The following SOX5 variants were observed in gnomAD, a reference collection of about 807,000 sequenced individuals.
The protein encoded by SOX5 is SRY-box transcription factor 5.
SOX5 carries 9 observed loss-of-function variants against 92.0 expected under a neutral mutation model. The ratio of observed to expected loss-of-function variants is 0.10; its 90% CI spans 0.06 to 0.17. The LOEUF (loss-of-function observed/expected upper bound fraction) is 0.17, where lower values mean the gene tolerates loss of function less well. SOX5 is among the 10% of genes least tolerant of loss of function. The probability of loss-of-function intolerance (pLI) is 1.00; values close to 1 mark genes in which losing one functional copy is unlikely to be tolerated. For missense variants in SOX5, 642 were observed against 944.5 expected (o/e 0.68, Z 4.20); for synonymous variants, 344 against 336.3 (o/e 1.02, Z -0.25).
rs995066394 is a variant in SOX5, at chr12:23,600,534, T to TATATATATATATATAC, written c.1164+3852_1164+3853insGTATATATATATATAT. On this transcript the variant is annotated intron_variant, in intron 9 of 14. Coordinates refer to ENST00000451604, the MANE Select transcript of SOX5 (RefSeq NM_006940.6). ...GGCGGGGGGGGTGCATATATATATA[T>TATATATATATATATAC]ATATATATATATATATATACACATA... 6.9e-5 allele frequency among the ~76,000 whole-genome samples: 8 copies of TATATATATATATATAC among 115,664 alleles called. 1 individual carries two copies. The highest frequency in any genetic ancestry group is 1.1e-4 in the Non-Finnish European group (6 of 54,580). 75.9% of individuals were successfully genotyped at this position (115,664 alleles called of 152,430 possible). A position where few individuals can be genotyped will look rare whatever the true frequency, so the allele number is the denominator to read the frequency against.
At chr12:23,808,133 T>TA (rs1567939724) in intron 3 of SOX5, among the ~76,000 whole-genome samples, 19 of 151,370 alleles carry the variant, frequency 1.3e-4, no homozygotes, top group Middle Eastern at 6.8e-3. Context: ...ATATATATAT[T>TA]TTTATATGAA....
intron 4 of SOX5, among the ~76,000 whole-genome samples, chr12:24,075,309 T>C (rs1013260109): frequency 2.5e-4 from 34 of 136,594 alleles, no homozygotes; most frequent in African/African-American, 8.9e-4. Context: ...AAAAAGTCAG[T>C]GCCAGTCAGA....
At chr12:23,724,434 A>T (rs2093001869) in intron 6 of SOX5, among the ~76,000 whole-genome samples, 1 of 152,198 alleles carries the variant, frequency 6.6e-6, no homozygotes, top group African/African-American at 2.4e-5. Context: ...TCTTCTTACC[A>T]GTACAGTACA....
chr12:23,643,214 A>G (rs1339984057), intron 7 of SOX5, among the ~76,000 whole-genome samples: 4 of 152,042 alleles, frequency 2.6e-5, no homozygotes, highest in African/African-American at 9.7e-5. Flanking sequence ...ACTGTTACGT[A>G]TGAGAGTAAC....
chr12:23,985,622 T>C (rs964718527), intron 4 of SOX5, among the ~76,000 whole-genome samples: 8 of 151,732 alleles, frequency 5.3e-5, no homozygotes, highest in African/African-American at 1.7e-4. Flanking sequence ...TAGATACACA[T>C]AGAAACATAT....
rs537641266 is a variant in SOX5 at position 24,558,596 on chromosome 12, T to A, written c.-251+3733A>T. Among the ~76,000 whole-genome samples the A allele has an allele frequency of 5.4e-4, 82 of 152,362 alleles. 1 individual carries two copies. The highest frequency in any genetic ancestry group is 6.8e-3 in the Middle Eastern group (2 of 294). On this transcript the variant is annotated intron_variant, in intron 1 of 4. Transcript: ENST00000446891. ...AATTCATTATATTTAAGCAAAAGGT[T>A]AGATCTTTGCTTCATATTTTTAAAA... is the stretch of plus-strand genomic sequence containing the variant.
At chr12:24,143,935 A>G (rs554162520) in intron 4 of SOX5, among the ~76,000 whole-genome samples, 1 of 152,146 alleles carries the variant, frequency 6.6e-6, no homozygotes, top group East Asian at 1.9e-4. Context: ...ATTGCTAAAC[A>G]ATTTTCCAAG....
chr12:23,653,641 A>G (rs2081963450), intron 7 of SOX5, among the ~76,000 whole-genome samples: 1 of 152,086 alleles, frequency 6.6e-6, no homozygotes, highest in African/African-American at 2.4e-5. Flanking sequence ...GGGCCTGATG[A>G]AGGCCCATTT....
At chr12:23,615,202 G>A (rs117715560) in intron 8 of SOX5, among the ~76,000 whole-genome samples, 3,717 of 152,100 alleles carry the variant, frequency 0.024, 60 homozygotes, top group Middle Eastern at 0.044. Context: ...CTCTAATGAT[G>A]TTGAGCATCT....
At chr12:24,240,267 T>C (rs1197453465) in intron 3 of SOX5, among the ~76,000 whole-genome samples, 1 of 152,204 alleles carries the variant, frequency 6.6e-6, no homozygotes, top group Non-Finnish European at 1.5e-5. Context: ...AGCTAATCTT[T>C]GGCTCCAAAT....
chr12:23,735,382 C>T (rs1021051668), intron 5 of SOX5, among the ~76,000 whole-genome samples: 2 of 152,122 alleles, frequency 1.3e-5, no homozygotes, highest in Non-Finnish European at 2.9e-5. Flanking sequence ...TTTGACCTCT[C>T]ATCAGAATTC....
intron 1 of SOX5, among the ~76,000 whole-genome samples, chr12:24,520,870 T>C (rs1950206041): frequency 1.3e-5 from 2 of 152,140 alleles, no homozygotes; most frequent in Admixed American, 6.5e-5. Context: ...AAGATTTAAA[T>C]CTATAGCTAG....
At chr12:24,014,894 G>A (rs531726920) in intron 4 of SOX5, among the ~76,000 whole-genome samples, 10 of 152,000 alleles carry the variant, frequency 6.6e-5, no homozygotes, top group Non-Finnish European at 1.5e-4. Flanking sequence ...TTGGGAGAAG[G>A]GGATTTAGAG....
intron 8 of SOX5, among the ~76,000 whole-genome samples, chr12:23,628,973 A>G (rs1312693816): frequency 6.6e-6 from 1 of 152,010 alleles, no homozygotes; most frequent in Admixed American, 6.6e-5. Context: ...GCATGATTAT[A>G]TAATCATTTT....
intron 10 of SOX5, among the ~76,000 whole-genome samples, chr12:23,565,761 T>C (rs1308744911): frequency 6.6e-6 from 1 of 152,220 alleles, no homozygotes; most frequent in Non-Finnish European, 1.5e-5. Flanking sequence ...TAATGCTGTA[T>C]GAAATGTTAA....
intron 4 of SOX5, among the ~76,000 whole-genome samples, chr12:23,988,183 C>A (rs1043818361): frequency 3.3e-5 from 5 of 152,074 alleles, no homozygotes; most frequent in Admixed American, 2.6e-4. Flanking sequence ...AGGTGACAAA[C>A]AGAGGAGCAA....
chr12:24,297,571 C>T (rs1269052734), intron 2 of SOX5, among the ~76,000 whole-genome samples: 1 of 152,178 alleles, frequency 6.6e-6, no homozygotes, highest in Non-Finnish European at 1.5e-5. Flanking sequence ...ATGAACAGAT[C>T]CTCCATAGCT....
intron 10 of SOX5, among the ~76,000 whole-genome samples, chr12:23,567,044 C>T (rs1223089190): frequency 6.6e-6 from 1 of 152,186 alleles, no homozygotes; most frequent in Non-Finnish European, 1.5e-5. Flanking sequence ...TTTCTTTACT[C>T]TTTACACTTT....
At chr12:23,641,991 T>G (rs906896561) in intron 7 of SOX5, among the ~76,000 whole-genome samples, 3 of 152,244 alleles carry the variant, frequency 2.0e-5, no homozygotes, top group Non-Finnish European at 2.9e-5. Flanking sequence ...AAGATTAATA[T>G]GCAGATGTGA....
Sources: allele counts gnomAD v4.1 joint callset (sites outside exome capture counted in the v4.1 genomes callset), GRCh38; gene constraint gnomAD v4.1.1; transcripts MANE v1.5; gene names NCBI Gene and HGNC (gene_info 2026-07-23, HGNC 2026-07-21).